Variants in COL23A1 observed in about 807,000 individuals in gnomAD.
COL23A1 encodes the protein collagen type XXIII alpha 1 chain.
A neutral mutation model predicts 99.3 loss-of-function variants in COL23A1; 97 were observed. That is an observed-to-expected ratio of 0.98 (90% confidence interval 0.83 to 1.16). The LOEUF (loss-of-function observed/expected upper bound fraction) is 1.16, where lower values mean the gene tolerates loss of function less well. Among genes scored for constraint, COL23A1 ranks in the 50% most tolerant of loss-of-function variants. The probability of loss-of-function intolerance (pLI) is 0.00; values close to 1 mark genes in which losing one functional copy is unlikely to be tolerated. For missense variants in COL23A1, 762 were observed against 757.4 expected (o/e 1.01, Z -0.07); for synonymous variants, 320 against 308.2 (o/e 1.04, Z -0.40).
At chr5:178,441,730 T>C (rs563375393) in intron 2 of COL23A1, among the ~76,000 whole-genome samples, 24 of 152,180 alleles carry the variant, frequency 1.6e-4, no homozygotes, top group African/African-American at 5.5e-4. Flanking sequence ...CGCGGGGTGA[T>C]GACGCGGGGT....
At chr5:178,471,236 T>C (rs549188852) in intron 2 of COL23A1, among the ~76,000 whole-genome samples, 1 of 94,944 alleles carries the variant, frequency 1.1e-5, no homozygotes, top group East Asian at 2.3e-4. Context: ...ATCATGCGTT[T>C]TATGTTTTCT....
At chr5:178,301,618 G>A (rs1758037497) in intron 3 of COL23A1, among the ~76,000 whole-genome samples, 1 of 152,182 alleles carries the variant, frequency 6.6e-6, no homozygotes, top group Non-Finnish European at 1.5e-5. Flanking sequence ...CTCCGTTGAG[G>A]GCCTTTCCTG....
chr5:178,469,036 A>G (rs977684491), intron 2 of COL23A1, among the ~76,000 whole-genome samples: 3 of 152,188 alleles, frequency 2.0e-5, no homozygotes, highest in African/African-American at 7.2e-5. Context: ...TATTTCACTC[A>G]GCACCATGTC....
At chr5:178,462,232 G>A (rs139401630) in intron 2 of COL23A1, among the ~76,000 whole-genome samples, 2 of 152,280 alleles carry the variant, frequency 1.3e-5, no homozygotes, top group East Asian at 1.9e-4. Flanking sequence ...GAGTCTCCAA[G>A]AGGTTCCCCC....
At chr5:178,536,314 T>G (rs1760958526) in intron 2 of COL23A1, among the ~76,000 whole-genome samples, 1 of 152,226 alleles carries the variant, frequency 6.6e-6, no homozygotes. Context: ...GACCAGGGGA[T>G]GGACCGGCGT....
chr5:178,410,453 A>C (rs1156894228), intron 2 of COL23A1, among the ~76,000 whole-genome samples: 1 of 152,226 alleles, frequency 6.6e-6, no homozygotes, highest in Admixed American at 6.5e-5. Context: ...GAAGACTCAC[A>C]CTTAACCAAT....
intron 2 of COL23A1, among the ~76,000 whole-genome samples, chr5:178,467,889 T>G (rs185536947): frequency 7.4e-4 from 113 of 152,292 alleles, no homozygotes; most frequent in African/African-American, 2.6e-3. Flanking sequence ...GTCCGAGGCC[T>G]GCCTTCCATG....
At chr5:178,286,428 G>A (rs1419803618) in intron 5 of COL23A1, among the ~76,000 whole-genome samples, 2 of 152,134 alleles carry the variant, frequency 1.3e-5, no homozygotes, top group Admixed American at 6.5e-5. Flanking sequence ...CCCTTCTCCA[G>A]GCCAGGCCCA....
chr5:178,540,219 A>T (rs956600555), intron 2 of COL23A1, among the ~76,000 whole-genome samples: 4 of 152,224 alleles, frequency 2.6e-5, no homozygotes, highest in South Asian at 4.1e-4. Flanking sequence ...TTGGAAAGGA[A>T]CAAACACAAC....
chr5:178,495,122 G>A (rs191258835), intron 2 of COL23A1, among the ~76,000 whole-genome samples: 1 of 152,328 alleles, frequency 6.6e-6, no homozygotes, highest in East Asian at 1.9e-4. Context: ...CAGTCTCCAT[G>A]TGGGTAGTTG....
At chr5:178,418,604 C>T (rs57310976) in intron 2 of COL23A1, among the ~76,000 whole-genome samples, 11,423 of 152,296 alleles carry the variant, frequency 0.075, 1,018 homozygotes, top group African/African-American at 0.21. Context: ...GGGTGCCAGG[C>T]GGCTGGCCAG....
At position 178,401,511 on chromosome 5, in the gene COL23A1, A is replaced by G. The variant is rs568830326; in HGVS notation, c.362-94592T>C. ...ATAGTCTGTTCCTGTTTATTGCTGCATAGTATTCCACTGCACAAATGTACC... is the reference window on the plus strand; with the variant it reads ...ATAGTCTGTTCCTGTTTATTGCTGCGTAGTATTCCACTGCACAAATGTACC... On this transcript the variant is annotated intron_variant, in intron 2 of 28. Transcript: ENST00000390654. 2.0e-5 allele frequency among the ~76,000 whole-genome samples: 3 copies of G among 152,364 alleles called. No homozygotes were observed. In the South Asian group the frequency reaches 6.2e-4, roughly 32 times the overall value.
At chr5:178,356,185 G>A (rs190572826) in intron 2 of COL23A1, among the ~76,000 whole-genome samples, 3 of 152,298 alleles carry the variant, frequency 2.0e-5, no homozygotes, top group South Asian at 4.2e-4. Flanking sequence ...GGGAAGCAGA[G>A]GAGTGGCCGC....
At chr5:178,585,453 G>A (rs78606857) in intron 1 of COL23A1, among the ~76,000 whole-genome samples, 7,893 of 44,446 alleles carry the variant, frequency 0.18, 407 homozygotes, top group East Asian at 0.42. Context: ...AACACTCCAC[G>A]TCCCTGGTTG....
chr5:178,374,210 T>C (rs773198528), intron 2 of COL23A1, among the ~76,000 whole-genome samples: 10 of 152,156 alleles, frequency 6.6e-5, no homozygotes, highest in African/African-American at 2.2e-4. Flanking sequence ...TGATGCTCCG[T>C]GATAACCTGA....
At chr5:178,243,567 G>C (rs1764523543) in intron 25 of COL23A1, among the ~76,000 whole-genome samples, 1 of 152,136 alleles carries the variant, frequency 6.6e-6, no homozygotes, top group Non-Finnish European at 1.5e-5. Context: ...TAACGGGGCA[G>C]GCAAGAGAGT....
chr5:178,568,037 T>C (rs1436864119), intron 1 of COL23A1, among the ~76,000 whole-genome samples: 1 of 152,232 alleles, frequency 6.6e-6, no homozygotes, highest in African/African-American at 2.4e-5. Flanking sequence ...GTCACAGGAA[T>C]ACCTCATGCT....
intron 2 of COL23A1, among the ~76,000 whole-genome samples, chr5:178,329,971 A>T (rs951406685): frequency 2.0e-5 from 3 of 150,690 alleles, no homozygotes; most frequent in Non-Finnish European, 4.4e-5. Flanking sequence ...AAAGGCTCAC[A>T]TGGAAGCTAC....
chr5:178,338,782 T>C (rs952475653), intron 2 of COL23A1, among the ~76,000 whole-genome samples: 3 of 152,198 alleles, frequency 2.0e-5, no homozygotes, highest in Admixed American at 1.3e-4. Flanking sequence ...ATCCAGGGCA[T>C]CAGAAGAGAG....
Sources: allele counts gnomAD v4.1 joint callset (sites outside exome capture counted in the v4.1 genomes callset), GRCh38; gene constraint gnomAD v4.1.1; transcripts MANE v1.5; gene names NCBI Gene and HGNC (gene_info 2026-07-23, HGNC 2026-07-21).